Variants in RHOA observed in about 807,000 individuals in gnomAD.
The protein encoded by RHOA is ras homolog family member A, also known as transforming protein RhoA.
A neutral mutation model predicts 17.5 loss-of-function variants in RHOA; 3 were observed. The ratio of observed to expected loss-of-function variants is 0.17; its 90% confidence interval spans 0.08 to 0.44. The LOEUF is 0.44. Ranked by LOEUF, RHOA falls within the 20% of genes least tolerant of loss-of-function variation. The pLI is 0.99. For missense variants in RHOA, 56 were observed against 242.3 expected, an observed-to-expected ratio of 0.23 and a Z score of 5.10; for synonymous variants, 98 against 88.4, an observed-to-expected ratio of 1.11 and a Z score of -0.61.
intron 2 of RHOA, among the ~76,000 whole-genome samples, chr3:49,373,530 AG>A (rs2048178284): frequency 6.6e-6 from 1 of 152,250 alleles, no homozygotes; most frequent in African/African-American, 2.4e-5. Context: ...AAAGATGTAT[AG>A]GAGAGCTGGG....
chr3:49,376,044 T>C (rs941717926), intron 1 of RHOA, among the ~76,000 whole-genome samples: 3 of 151,878 alleles, frequency 2.0e-5, no homozygotes, highest in African/African-American at 7.2e-5. Context: ...TTTCACCTTG[T>C]TGGCCAGGCT....
At chr3:49,395,403 C>G (rs962990896) in intron 1 of RHOA, among the ~76,000 whole-genome samples, 1 of 152,048 alleles carries the variant, frequency 6.6e-6, no homozygotes, top group African/African-American at 2.4e-5. Flanking sequence ...ACAATCAGGT[C>G]TGTAATTAAT....
chr3:49,396,946 A>G (rs1278834225), intron 1 of RHOA, among the ~76,000 whole-genome samples: 1 of 152,056 alleles, frequency 6.6e-6, no homozygotes, highest in Non-Finnish European at 1.5e-5. Flanking sequence ...CCTGGTCAAC[A>G]TGGTGAGAGC....
intron 2 of RHOA, among the ~76,000 whole-genome samples, chr3:49,372,764 C>CTATG (rs1422121394): frequency 1.4e-5 from 2 of 143,078 alleles, no homozygotes; most frequent in East Asian, 4.3e-4. Context: ...GGACTACAAA[C>CTATG]TATGAAAGAG....
chr3:49,367,555 T>G (rs930104514), intron 3 of RHOA, among the ~76,000 whole-genome samples: 1 of 151,920 alleles, frequency 6.6e-6, no homozygotes, highest in Non-Finnish European at 1.5e-5. Context: ...TCTTTTTTTT[T>G]GGGAGATGGA....
At chr3:49,408,795 C>CTT (rs113298712) in intron 1 of RHOA, among the ~76,000 whole-genome samples, 3 of 142,862 alleles carry the variant, frequency 2.1e-5, no homozygotes, top group Non-Finnish European at 3.1e-5. Context: ...ACTTAAGATC[C>CTT]TTTTTTTTTT....
intron 1 of RHOA, among the ~76,000 whole-genome samples, chr3:49,398,576 C>A (rs1301099242): frequency 1.3e-5 from 2 of 150,714 alleles, no homozygotes; most frequent in Non-Finnish European, 3.0e-5. Flanking sequence ...GTAATCCCAG[C>A]ACTTTGGGAG....
chr3:49,378,510 G>A (rs2048269207), intron 1 of RHOA, among the ~76,000 whole-genome samples: 1 of 152,018 alleles, frequency 6.6e-6, no homozygotes, highest in Non-Finnish European at 1.5e-5. Context: ...GCCTCCCACA[G>A]TGCTGAGGGA....
chr3:49,367,502 CAA>C (rs1440655449), intron 3 of RHOA, among the ~76,000 whole-genome samples: 1 of 151,678 alleles, frequency 6.6e-6, no homozygotes, highest in African/African-American at 2.4e-5. Context: ...AGTCTTTCCC[CAA>C]AAGAGATGGC....
At chr3:49,390,697 C>G (rs2048486832) in intron 1 of RHOA, among the ~76,000 whole-genome samples, 1 of 152,024 alleles carries the variant, frequency 6.6e-6, no homozygotes, top group African/African-American at 2.4e-5. Context: ...TCTAATATTC[C>G]AAGGAAAATT....
At chr3:49,407,769 T>C (rs1443521124) in intron 1 of RHOA, among the ~76,000 whole-genome samples, 2 of 152,156 alleles carry the variant, frequency 1.3e-5, no homozygotes, top group African/African-American at 2.4e-5. Context: ...AACCTCTTTT[T>C]ACCTCCAACT....
chr3:49,408,987 G>A (rs1575293971), intron 1 of RHOA, among the ~76,000 whole-genome samples: 1 of 151,574 alleles, frequency 6.6e-6, no homozygotes, highest in Admixed American at 6.6e-5. Context: ...GTAGAGACGG[G>A]GTTTCACCGT....
chr3:49,407,017 C>T (rs1336757375), intron 1 of RHOA, among the ~76,000 whole-genome samples: 1 of 151,318 alleles, frequency 6.6e-6, no homozygotes, highest in Non-Finnish European at 1.5e-5. Flanking sequence ...GTCACACACA[C>T]ACACCTGTAG....
intron 1 of RHOA, among the ~76,000 whole-genome samples, chr3:49,387,486 T>C (rs2048419305): frequency 6.7e-6 from 1 of 148,814 alleles, no homozygotes; most frequent in South Asian, 2.1e-4. Flanking sequence ...GGCTCATGCC[T>C]GTAATCCCAG....
intron 1 of RHOA, 133 bp from the exon 2 acceptor site, chr3:49,375,724 G>A (rs552113476): frequency 1.9e-4 from 152 of 814,556 alleles, no homozygotes; most frequent in Middle Eastern, 1.5e-3. Flanking sequence ...CTAGTACGCC[G>A]ATCCACCTGG....
At chr3:49,408,165 GAAAA>G (rs11322363) in intron 1 of RHOA, among the ~76,000 whole-genome samples, 6 of 146,222 alleles carry the variant, frequency 4.1e-5, no homozygotes, top group Admixed American at 1.4e-4. Flanking sequence ...TCTCAAAAGA[GAAAA>G]AAAAAAAAAT....
chr3:49,381,010 TG>T (rs1410856589), intron 1 of RHOA, among the ~76,000 whole-genome samples: 1 of 151,510 alleles, frequency 6.6e-6, no homozygotes, highest in Non-Finnish European at 1.5e-5. Flanking sequence ...TTTTTTTTTT[TG>T]CAAAAAGGGA....
At chr3:49,377,807 T>TA (rs996631876) in intron 1 of RHOA, among the ~76,000 whole-genome samples, 4 of 150,922 alleles carry the variant, frequency 2.7e-5, no homozygotes, top group Non-Finnish European at 5.9e-5. Context: ...AAAAGCAGCT[T>TA]AGGTTGGTGG....
intron 1 of RHOA, among the ~76,000 whole-genome samples, chr3:49,399,073 A>AAAAG (rs2048673298): frequency 7.2e-6 from 1 of 138,886 alleles, no homozygotes; most frequent in Non-Finnish European, 1.6e-5. Context: ...AAAAAAAAAA[A>AAAAG]AAAAAAAAAA....
Sources: allele counts gnomAD v4.1 joint callset (sites outside exome capture counted in the v4.1 genomes callset), GRCh38; gene constraint gnomAD v4.1.1; transcripts MANE v1.5; gene names NCBI Gene and HGNC (gene_info 2026-07-23, HGNC 2026-07-21).